The following DSG4 variants were observed in gnomAD, a reference collection of about 807,000 sequenced individuals.
DSG4 encodes desmoglein-4.
A neutral mutation model predicts 93.1 loss-of-function variants in DSG4; 87 were observed. That is an observed-to-expected ratio of 0.93 (90% CI 0.79 to 1.12). The LOEUF (loss-of-function observed/expected upper bound fraction) is 1.12. Ranked by LOEUF, DSG4 falls within the 50% of genes most tolerant of loss-of-function variation. The pLI is 0.00. For missense variants in DSG4, 1,373 were observed against 1,285.7 expected (o/e 1.07, Z -1.04); for synonymous variants, 432 against 452.9 (o/e 0.95, Z 0.59).
chr18:31,388,783 T>A lies in DSG4; in HGVS notation c.373-91T>A, dbSNP rs567243631. 150 of 1,589,684 alleles carry A rather than the reference T, an allele frequency of 9.4e-5. 3 individuals are homozygous for A. In the South Asian group the frequency reaches 1.6e-3, roughly 17 times the overall value. The stretch of plus-strand genomic sequence containing the variant: ...TACAGTCTGAATTCACTGGAAAAAA[T>A]TGTTTCTTTGCCTATTTTCTGATAT... On this transcript the variant is annotated intron_variant, in intron 4 of 15. Coordinates refer to ENST00000308128, the MANE Select transcript of DSG4 (RefSeq NM_177986.5).
chr18:31,411,140 G>A lies in DSG4; in HGVS notation c.2138-91G>A, dbSNP rs754292354. 14 of 1,613,192 alleles carry A rather than the reference G, an allele frequency of 8.7e-6. No homozygotes were observed. The Admixed American group carries it at 2.3e-4, about 27-fold the overall frequency. The stretch of plus-strand genomic sequence containing the variant: ...TAGCGCCTACGCCTTGCCGGGTGGT[G>A]GTGGCACCGCAGACGGCGGCGGCAG... On this transcript the variant is annotated intron_variant, in intron 14 of 15. Transcript: ENST00000308128.
intron 1 of DSG4, among the ~76,000 whole-genome samples, chr18:31,383,713 C>T (rs918987339): frequency 4.6e-5 from 7 of 152,126 alleles, no homozygotes; most frequent in African/African-American, 1.7e-4. Flanking sequence ...TCTCCCAAAT[C>T]CCCCTTAAAA....
In DSG4 at chr18:31,403,639, G is replaced by C; in HGVS notation, c.1636+5G>C. The C allele has an allele frequency of 1.9e-6, 3 of 1,613,850 alleles. No homozygotes were observed. The highest frequency in any genetic ancestry group is 2.5e-6 in the Non-Finnish European group (3 of 1,179,802). ...GGGATGTCAGATCAACAAATGGTAAGTGAAACGTAAGCTTGTTTTTTGGAC... is the reference window on the plus strand; with the variant it reads ...GGGATGTCAGATCAACAAATGGTAACTGAAACGTAAGCTTGTTTTTTGGAC... On this transcript the variant is annotated splice_donor_5th_base_variant and intron_variant, in intron 11 of 15. Coordinates refer to ENST00000308128, the MANE Select transcript of DSG4 (RefSeq NM_177986.5).
At position 31,388,539 on chromosome 18, in the gene DSG4, T is replaced by G. The variant is rs751004337; in HGVS notation, c.372+17T>G. 1.2e-6 allele frequency: 2 copies of G among 1,612,824 alleles called. No individual in the cohort carries two copies. The highest frequency in any genetic ancestry group is 1.7e-6 in the Non-Finnish European group (2 of 1,179,200). ...CTTTTCTTGGTAAGTCATAGCCATA[T>G]GTTTTGATTTGTTCATATTAGTTTT... On this transcript the variant is annotated intron_variant, in intron 4 of 15. Transcript: ENST00000308128.
At chr18:31,389,055 T>A in intron 5 of DSG4, 37 bp downstream of exon 5, 1 of 1,608,218 alleles carries the variant, frequency 6.2e-7, no homozygotes, top group Non-Finnish European at 8.5e-7. Context: ...CGTCACAGCA[T>A]ATCTACTTCT....
At chr18:31,396,653 G>A (rs1199888195) in intron 8 of DSG4, among the ~76,000 whole-genome samples, 1 of 152,102 alleles carries the variant, frequency 6.6e-6, no homozygotes, top group Non-Finnish European at 1.5e-5. Flanking sequence ...ACCGCACCCA[G>A]CCAGTAATTC....
At chr18:31,391,044 C>A in intron 6 of DSG4, 34 bp from the exon 7 acceptor site, 1 of 1,612,440 alleles carries the variant, frequency 6.2e-7, no homozygotes, top group Non-Finnish European at 8.5e-7. Context: ...CAAGACAAAA[C>A]CTAAGTCTTA....
At chr18:31,401,246 C>T (rs1598746903) in intron 10 of DSG4, among the ~76,000 whole-genome samples, 1 of 152,104 alleles carries the variant, frequency 6.6e-6, no homozygotes, top group South Asian at 2.1e-4. Context: ...TTGTATATGG[C>T]TTACAGCATA....
Position 31,376,931 on chromosome 18 carries a change from GA to G in DSG4, c.23del (p.Asn8ThrfsTer5). 6.2e-7 allele frequency: 1 copy of G among 1,613,634 alleles called. No individual in the cohort carries two copies. The highest frequency in any genetic ancestry group is 8.5e-7 in the Non-Finnish European group (1 of 1,179,718). MDWLFF[R>X]NICLLIILMV... ...AAAGGAATGGATTGGCTCTTCTTCA[GA>G]AACATTTGCCTTTTGATCATTCTAA... On this transcript the variant is annotated frameshift_variant, in exon 1 of 16. Coordinates refer to ENST00000308128, the MANE Select transcript of DSG4 (RefSeq NM_177986.5). LOFTEE classifies it high-confidence loss of function.
chr18:31,395,817 G>A (rs755739077), intron 8 of DSG4, among the ~76,000 whole-genome samples: 4 of 152,080 alleles, frequency 2.6e-5, no homozygotes, highest in African/African-American at 7.2e-5. Flanking sequence ...CCTGGACAAC[G>A]GGGTGAAACC....
intron 8 of DSG4, among the ~76,000 whole-genome samples, chr18:31,393,068 C>A (rs921336783): frequency 4.6e-5 from 7 of 151,886 alleles, no homozygotes; most frequent in Non-Finnish European, 8.8e-5. Flanking sequence ...TAATTAGAAA[C>A]GAATAAAACC....
intron 2 of DSG4, among the ~76,000 whole-genome samples, 168 bp downstream of exon 2, chr18:31,385,339 A>C (rs540853834): frequency 1.3e-5 from 2 of 152,284 alleles, no homozygotes; most frequent in Admixed American, 6.5e-5. Flanking sequence ...ATGCTCCCAA[A>C]TCTCTATGCA....
chr18:31,410,256 A>G (rs1188906195), intron 14 of DSG4, among the ~76,000 whole-genome samples: 2 of 152,204 alleles, frequency 1.3e-5, no homozygotes, highest in South Asian at 2.1e-4. Context: ...ACTGGGCCTC[A>G]GTTTCCTTAT....
rs759977252 is a variant in DSG4, at chr18:31,411,219, C to A, written c.2138-12C>A. 11 of 1,614,114 alleles carry A rather than the reference C, an allele frequency of 6.8e-6. No homozygotes were observed. The highest frequency in any genetic ancestry group is 7.6e-6 in the Non-Finnish European group (9 of 1,180,030). ...ACTCCAGCGCTGTTAAACCAACATCCTCCCTTTTCAGAAATCTACACCAAC... is the reference window on the plus strand; with the variant it reads ...ACTCCAGCGCTGTTAAACCAACATCATCCCTTTTCAGAAATCTACACCAAC... On this transcript the variant is annotated splice_polypyrimidine_tract_variant and intron_variant, in intron 14 of 15. Transcript: ENST00000308128.
chr18:31,405,696 C>T (rs2072416774), intron 11 of DSG4, among the ~76,000 whole-genome samples: 1 of 151,878 alleles, frequency 6.6e-6, no homozygotes, highest in Admixed American at 6.6e-5. Flanking sequence ...CCACCCTGGG[C>T]AATATGGCAA....
At chr18:31,403,712 T>C (rs1397055876) in intron 11 of DSG4, 78 bp downstream of exon 11, 1 of 1,277,392 alleles carries the variant, frequency 7.8e-7, no homozygotes, top group Non-Finnish European at 1.1e-6. Flanking sequence ...GCAAGTCACT[T>C]AATAAAACAT....
chr18:31,382,761 A>G (rs1463596321), intron 1 of DSG4, among the ~76,000 whole-genome samples: 1 of 152,120 alleles, frequency 6.6e-6, no homozygotes, highest in East Asian at 1.9e-4. Context: ...GAGCAGAAAT[A>G]CCACAAATAT....
At chr18:31,385,264 T>C in intron 2 of DSG4, 93 bp downstream of exon 2, 1 of 926,740 alleles carries the variant, frequency 1.1e-6, no homozygotes, top group Non-Finnish European at 1.6e-6. Flanking sequence ...ATATTTGAAA[T>C]TGTAATTATC....
chr18:31,407,470 T>A (rs56709278), intron 12 of DSG4, among the ~76,000 whole-genome samples: 1 of 129,078 alleles, frequency 7.7e-6, no homozygotes, highest in Non-Finnish European at 1.7e-5. Context: ...CCCCATAGAG[T>A]TTTTTTAAAC....
Sources: gnomAD v4.1 joint callset for allele counts (sites outside exome capture counted in the v4.1 genomes callset) on GRCh38, gnomAD v4.1.1 for gene constraint, MANE v1.5 for transcripts, NCBI Gene and HGNC (gene_info 2026-07-23, HGNC 2026-07-21) for gene names.